Variants in FAM13B observed in about 807,000 individuals in gnomAD.
FAM13B encodes the protein protein FAM13B.
A neutral mutation model predicts 117.3 loss-of-function variants in FAM13B; 60 were observed. The ratio of observed to expected loss-of-function variants is 0.51; its 90% CI spans 0.42 to 0.63. The LOEUF is 0.63. FAM13B is among the 30% of genes least tolerant of loss of function. The pLI is 0.00. For synonymous variants in FAM13B, 332 were observed against 356.1 expected, an observed-to-expected ratio of 0.93 and a Z score of 0.76; for missense variants, 972 against 1,091.9, an observed-to-expected ratio of 0.89 and a Z score of 1.55.
At chr5:138,025,422 C>A (rs1179884668) in intron 1 of FAM13B, among the ~76,000 whole-genome samples, 2 of 150,756 alleles carry the variant, frequency 1.3e-5, no homozygotes, top group African/African-American at 4.9e-5. Context: ...AACCTCCCAC[C>A]TCAGCCTCCT....
chr5:137,963,031 C>A (rs1397775262), intron 10 of FAM13B, among the ~76,000 whole-genome samples: 1 of 152,078 alleles, frequency 6.6e-6, no homozygotes, highest in African/African-American at 2.4e-5. Flanking sequence ...AGAATTACTA[C>A]AAAATACATG....
At chr5:137,991,813 A>C (rs542923700) in intron 7 of FAM13B, among the ~76,000 whole-genome samples, 1 of 152,326 alleles carries the variant, frequency 6.6e-6, no homozygotes, top group Non-Finnish European at 1.5e-5. Flanking sequence ...AAGGTAAAAT[A>C]ATAAAGCTGT....
At chr5:138,015,033 A>T (rs75697803) in intron 4 of FAM13B, among the ~76,000 whole-genome samples, 3 of 152,238 alleles carry the variant, frequency 2.0e-5, no homozygotes, top group Non-Finnish European at 4.4e-5. Flanking sequence ...TTTTCTATCA[A>T]AACACAATGT....
chr5:137,969,451 C>T (rs1438947466), intron 10 of FAM13B, among the ~76,000 whole-genome samples: 4 of 152,174 alleles, frequency 2.6e-5, no homozygotes, highest in African/African-American at 4.8e-5. Context: ...ACACCAAAAA[C>T]CCATCTGTAC....
chr5:137,993,462 T>C (rs1178617633), intron 7 of FAM13B, among the ~76,000 whole-genome samples: 1 of 151,868 alleles, frequency 6.6e-6, no homozygotes, highest in Non-Finnish European at 1.5e-5. Flanking sequence ...CCGCATCTAT[T>C]TTTTTAATTA....
At chr5:138,030,702 G>A (rs1292114225) in intron 1 of FAM13B, among the ~76,000 whole-genome samples, 1 of 143,484 alleles carries the variant, frequency 7.0e-6, no homozygotes, top group Admixed American at 7.2e-5. Flanking sequence ...CAACAAGAAT[G>A]AAACTCCGTC....
intron 1 of FAM13B, among the ~76,000 whole-genome samples, chr5:138,048,411 C>A (rs1481684372): frequency 6.6e-6 from 1 of 152,050 alleles, no homozygotes; most frequent in African/African-American, 2.4e-5. Flanking sequence ...ATAGGTGTGA[C>A]CCCGCACCCC....
In FAM13B at chr5:137,942,995, T is replaced by A; in HGVS notation, c.2468A>T (p.Asp823Val). The change falls in exon 22 of 24, where the codon GAT becomes GTT. Residue 823 changes from aspartate (D) to valine (V), a missense_variant. Coordinates refer to ENST00000689681, the MANE Select transcript of FAM13B (RefSeq NM_001385994.1). ...DGVNLSSELG[D>V]MLKTAVQVQS... is the part of the protein sequence containing the mutation. ...TACCTGTACTGCAGTTTTCAACATA[T>A]CACCTAACTCAGAGGACAGATTAAC... 6.2e-7 allele frequency: 1 copy of A among 1,613,380 alleles called. No individual in the cohort carries two copies. Among genetic ancestry groups the A allele is most frequent in the South Asian group, 1.1e-5 (1 of 90,906 alleles).
chr5:137,952,499 G>C (rs571795955), intron 17 of FAM13B, 129 bp downstream of exon 17: 3 of 609,506 alleles, frequency 4.9e-6, no homozygotes, highest in South Asian at 2.4e-5. Context: ...AACAAAAAAA[G>C]GTAACTTTTA....
upstream of FAM13B, among the ~76,000 whole-genome samples, chr5:138,035,769 C>T (rs10515497): frequency 0.43 from 65,881 of 151,994 alleles, 14,932 homozygotes; most frequent in East Asian, 0.6. Flanking sequence ...CTTAACTAAT[C>T]ATAACCAAAT....
rs57478594 is a variant in FAM13B at position 137,975,980 on chromosome 5, C to CTTTTTTTTTTTTTTTTTTTTT, written c.1179+9276_1179+9277insAAAAAAAAAAAAAAAAAAAAA. Among the ~76,000 whole-genome samples the CTTTTTTTTTTTTTTTTTTTTT allele has an allele frequency of 6.4e-5, 7 of 110,206 alleles. 2 individuals carry two copies. Among genetic ancestry groups the CTTTTTTTTTTTTTTTTTTTTT allele is most frequent in the Admixed American group, 1.1e-4 (1 of 9,232 alleles). The allele number at this position is 110,206 out of a possible 152,430, so 72.3% of individuals were successfully genotyped here. Reference sequence around the variant, plus strand: ...CCACAACCAGACTGCTCAACTCTTCCTTTTTTTTTTTTTTTGAGACAGTCT... The same window carrying CTTTTTTTTTTTTTTTTTTTTT: ...CCACAACCAGACTGCTCAACTCTTCCTTTTTTTTTTTTTTTTTTTTTTTTTTTTTTTTTTTTGAGACAGTCT... On this transcript the variant is annotated intron_variant, in intron 10 of 23. Coordinates refer to ENST00000689681, the MANE Select transcript of FAM13B (RefSeq NM_001385994.1).
Position 137,939,905 on chromosome 5 carries a change from A to C in FAM13B, c.*320T>G, listed in dbSNP as rs1431533619. 2 of 1,327,560 alleles carry C rather than the reference A, an allele frequency of 1.5e-6. No homozygotes were observed. Among genetic ancestry groups the C allele is most frequent in the East Asian group, 2.9e-5 (1 of 34,830 alleles). The allele number at this position is 1,327,560 out of a possible 1,614,324, so 82.2% of individuals were successfully genotyped here. A position where few individuals can be genotyped will look rare whatever the true frequency, so the allele number is the denominator to read the frequency against. On this transcript the variant is annotated 3_prime_UTR_variant, in exon 24 of 24. Transcript: ENST00000689681. ...GTAATAACAAAAAGCTTGCATTTCC[A>C]AAGTTCTTGAAGTTGAAAGGATAAA... is the stretch of plus-strand genomic sequence containing the variant.
At chr5:138,000,084 A>G (rs1314903327) in intron 7 of FAM13B, among the ~76,000 whole-genome samples, 2 of 152,238 alleles carry the variant, frequency 1.3e-5, no homozygotes, top group Non-Finnish European at 1.5e-5. Context: ...TTTAAAAAAA[A>G]TTACACTAAT....
chr5:137,952,480 C>A, intron 17 of FAM13B, 148 bp downstream of exon 17: 1 of 553,256 alleles, frequency 1.8e-6, no homozygotes, highest in Non-Finnish European at 3.2e-6. Flanking sequence ...GCAATTTTGA[C>A]CCTAATAAAA....
intron 1 of FAM13B, chr5:138,039,424 T>G (rs568957521): frequency 6.6e-6 from 1 of 152,252 alleles, no homozygotes; most frequent in African/African-American, 2.4e-5. Context: ...TGAGCCTTCC[T>G]ATCATTTGAC....
chr5:138,048,091 C>CA (rs1488919575), intron 1 of FAM13B, among the ~76,000 whole-genome samples: 23 of 151,370 alleles, frequency 1.5e-4, no homozygotes, highest in Non-Finnish European at 2.9e-4. Context: ...GAAAGAAATC[C>CA]AAAAAAACAA....
intron 1 of FAM13B, among the ~76,000 whole-genome samples, chr5:138,023,572 T>A (rs542665558): frequency 6.6e-6 from 1 of 152,262 alleles, no homozygotes; most frequent in South Asian, 2.1e-4. Context: ...ATTCTGGCGC[T>A]CAAACTGGCC....
chr5:137,983,535 T>C (rs1005740507), intron 10 of FAM13B, among the ~76,000 whole-genome samples: 2 of 152,010 alleles, frequency 1.3e-5, no homozygotes, highest in African/African-American at 4.8e-5. Context: ...TTTTCTGAAC[T>C]TGGAAGAAAT....
At chr5:137,964,836 T>C (rs1769213313) in intron 10 of FAM13B, among the ~76,000 whole-genome samples, 1 of 152,016 alleles carries the variant, frequency 6.6e-6, no homozygotes, top group African/African-American at 2.4e-5. Context: ...ACCTCAGAGT[T>C]ACCACAGAGA....
Sources: gnomAD v4.1 joint callset for allele counts (sites outside exome capture counted in the v4.1 genomes callset) on GRCh38, gnomAD v4.1.1 for gene constraint, MANE v1.5 for transcripts, NCBI Gene and HGNC (gene_info 2026-07-23, HGNC 2026-07-21) for gene names.